BCKDHB: variants seen among roughly 807,000 people sequenced by gnomAD.
BCKDHB encodes branched chain keto acid dehydrogenase E1 subunit beta.
A neutral mutation model predicts 48.5 loss-of-function variants in BCKDHB; 41 were observed. The observed-to-expected ratio is 0.85, with a 90% confidence interval of 0.66 to 1.10. BCKDHB has a LOEUF of 1.10. Among genes scored for constraint, BCKDHB ranks in the 50% least tolerant of loss-of-function variants. The pLI is 0.00. For synonymous variants in BCKDHB, 201 were observed against 174.8 expected, an observed-to-expected ratio of 1.15 and a Z score of -1.18; for missense variants, 496 against 494.2, an observed-to-expected ratio of 1.00 and a Z score of -0.03.
intron 8 of BCKDHB, among the ~76,000 whole-genome samples, chr6:80,229,732 G>A (rs1934912637): frequency 6.6e-6 from 1 of 151,902 alleles, no homozygotes; most frequent in African/African-American, 2.4e-5. Context: ...GAGAGAAGAA[G>A]CTTGAAATAC....
At chr6:80,255,580 G>A (rs1265893311) in intron 8 of BCKDHB, among the ~76,000 whole-genome samples, 1 of 152,158 alleles carries the variant, frequency 6.6e-6, no homozygotes. Flanking sequence ...ACAGCATGCA[G>A]TGGGAGAAAC....
intron 8 of BCKDHB, among the ~76,000 whole-genome samples, chr6:80,269,036 A>G (rs1214331253): frequency 2.6e-5 from 4 of 152,164 alleles, no homozygotes; most frequent in African/African-American, 7.2e-5. Context: ...AACATGCATA[A>G]TAAAGTTAAA....
the BCKDHB span, among the ~76,000 whole-genome samples, chr6:80,434,988 C>T: frequency 6.6e-6 from 1 of 152,160 alleles, no homozygotes; most frequent in African/African-American, 2.4e-5. Context: ...CTCTTTTCTG[C>T]AAATTCTTGC....
chr6:80,328,462 T>C (rs1769153054), intron 9 of BCKDHB, among the ~76,000 whole-genome samples: 2 of 152,208 alleles, frequency 1.3e-5, no homozygotes, highest in South Asian at 2.1e-4. Flanking sequence ...TTGAGATGTT[T>C]TGTCATTCTT....
At chr6:80,122,295 A>C (rs2127719907) in intron 1 of BCKDHB, among the ~76,000 whole-genome samples, 1 of 152,304 alleles carries the variant, frequency 6.6e-6, no homozygotes, top group Non-Finnish European at 1.5e-5. Context: ...TTCATCAGGG[A>C]TATTAGTCTA....
intron 1 of BCKDHB, among the ~76,000 whole-genome samples, chr6:80,120,845 G>A (rs1186223126): frequency 5.3e-5 from 8 of 152,094 alleles, no homozygotes; most frequent in African/African-American, 9.7e-5. Flanking sequence ...TTATTTTGCC[G>A]TGCAGAAGCT....
the BCKDHB span, among the ~76,000 whole-genome samples, chr6:80,396,074 A>G: frequency 2.0e-5 from 3 of 152,216 alleles, no homozygotes; most frequent in Admixed American, 1.3e-4. Context: ...ATGGAGAACC[A>G]CTACCAGGGC....
chr6:80,298,248 G>T (rs58149782), intron 9 of BCKDHB, among the ~76,000 whole-genome samples: 2,714 of 152,168 alleles, frequency 0.018, 73 homozygotes, highest in African/African-American at 0.062. Context: ...AAGTAGCTGG[G>T]ATTACATGCA....
chr6:80,251,051 C>T (rs1234950999), intron 8 of BCKDHB, among the ~76,000 whole-genome samples: 1 of 152,166 alleles, frequency 6.6e-6, no homozygotes, highest in Non-Finnish European at 1.5e-5. Flanking sequence ...GGCTTCACTA[C>T]TGACTAGATA....
chr6:80,118,218 A>G (rs1053881927), intron 1 of BCKDHB, among the ~76,000 whole-genome samples: 3 of 152,218 alleles, frequency 2.0e-5, no homozygotes, highest in African/African-American at 7.2e-5. Context: ...CTACAATAAA[A>G]TGAATGTTGC....
the BCKDHB span, among the ~76,000 whole-genome samples, chr6:80,451,597 G>A: frequency 2.6e-4 from 40 of 152,172 alleles, no homozygotes; most frequent in Middle Eastern, 6.8e-3. Flanking sequence ...AATTAGTCGG[G>A]CATGGTGGCA....
At chr6:80,318,667 A>G (rs904910372) in intron 9 of BCKDHB, among the ~76,000 whole-genome samples, 1 of 149,918 alleles carries the variant, frequency 6.7e-6, no homozygotes, top group Non-Finnish European at 1.5e-5. Flanking sequence ...CCTGGGTGAC[A>G]GAGTGAGACT....
At chr6:80,136,806 C>T (rs944656197) in intron 3 of BCKDHB, among the ~76,000 whole-genome samples, 1 of 152,038 alleles carries the variant, frequency 6.6e-6, no homozygotes, top group African/African-American at 2.4e-5. Flanking sequence ...ATAGACATTT[C>T]TCCCAAATTG....
the BCKDHB span, among the ~76,000 whole-genome samples, chr6:80,459,341 A>G: frequency 6.6e-6 from 1 of 152,214 alleles, no homozygotes; most frequent in Non-Finnish European, 1.5e-5. Context: ...AATATGCATG[A>G]ACCTTGAGAA....
At chr6:80,398,695 T>C in the BCKDHB span, among the ~76,000 whole-genome samples, 1 of 134,998 alleles carries the variant, frequency 7.4e-6, no homozygotes, top group African/African-American at 3.6e-5. Flanking sequence ...CTAAAACTTT[T>C]GAAAAAAAAA....
intron 3 of BCKDHB, among the ~76,000 whole-genome samples, chr6:80,149,835 G>C (rs1318819024): frequency 7.0e-6 from 1 of 142,200 alleles, no homozygotes; most frequent in Non-Finnish European, 1.5e-5. Flanking sequence ...TTATGGGATG[G>C]GGGGAGGGGG....
At chr6:80,338,799 C>T (rs138550788) in intron 9 of BCKDHB, among the ~76,000 whole-genome samples, 145 of 152,154 alleles carry the variant, frequency 9.5e-4, no homozygotes, top group Non-Finnish European at 1.8e-3. Context: ...TATGCTACTG[C>T]AGAATCTAAG....
intron 6 of BCKDHB, among the ~76,000 whole-genome samples, chr6:80,198,646 C>T (rs1052783294): frequency 1.3e-5 from 2 of 151,942 alleles, no homozygotes; most frequent in Non-Finnish European, 2.9e-5. Context: ...GAAATATGGT[C>T]AAGTATATTG....
At chr6:80,372,846 T>C in the BCKDHB span, among the ~76,000 whole-genome samples, 2 of 152,196 alleles carry the variant, frequency 1.3e-5, no homozygotes, top group Admixed American at 1.3e-4. Context: ...TTGGATTCAG[T>C]TAGCTAGTAT....
Sources: gnomAD v4.1 joint callset for allele counts (sites outside exome capture counted in the v4.1 genomes callset) on GRCh38, gnomAD v4.1.1 for gene constraint, MANE v1.5 for transcripts, NCBI Gene and HGNC (gene_info 2026-07-23, HGNC 2026-07-21) for gene names.